PHF24: variants seen among roughly 807,000 people sequenced by gnomAD.
PHF24 encodes the protein PHD finger protein 24.
PHF24 carries 25 observed loss-of-function variants against 42.6 expected under a neutral mutation model. The ratio of observed to expected loss-of-function variants is 0.59; its 90% CI spans 0.43 to 0.82. PHF24 has a LOEUF of 0.82. Among genes scored for constraint, PHF24 ranks in the 40% least tolerant of loss-of-function variants. The pLI, the probability that PHF24 is intolerant of heterozygous loss-of-function variation, is 0.00. For missense variants in PHF24, 470 were observed against 538.1 expected (o/e 0.87, Z 1.25); for synonymous variants, 185 against 204.8 (o/e 0.90, Z 0.83).
the PHF24 span, among the ~76,000 whole-genome samples, chr9:34,807,343 T>TC: frequency 1.3e-5 from 2 of 152,168 alleles, no homozygotes; most frequent in African/African-American, 4.8e-5. Context: ...GTCAACAGCC[T>TC]CCCACCTATT....
At chr9:34,739,140 AG>A in the PHF24 span, among the ~76,000 whole-genome samples, 2 of 152,230 alleles carry the variant, frequency 1.3e-5, no homozygotes, top group Admixed American at 1.3e-4. Flanking sequence ...AGAAGGAGTA[AG>A]AAACCTATTT....
At chr9:34,680,252 G>T in the PHF24 span, among the ~76,000 whole-genome samples, 1 of 152,262 alleles carries the variant, frequency 6.6e-6, no homozygotes, top group South Asian at 2.1e-4. Context: ...GGGGGTGCCT[G>T]AAGTCCCAGC....
the PHF24 span, among the ~76,000 whole-genome samples, chr9:34,701,456 GC>G: frequency 6.6e-6 from 1 of 152,132 alleles, no homozygotes; most frequent in Non-Finnish European, 1.5e-5. This position sits in a 1 kb window ranked among gnomAD's most constrained non-coding sequence, Gnocchi z 5.8. Flanking sequence ...TGCAGGGGGC[GC>G]CCCGAGCCTG....
chr9:34,782,700 A>G, the PHF24 span, among the ~76,000 whole-genome samples: 37 of 152,316 alleles, frequency 2.4e-4, no homozygotes, highest in African/African-American at 8.4e-4. Context: ...CTCTTCTTCC[A>G]TGTTTGGAAG....
At chr9:34,739,045 CCAT>C in the PHF24 span, among the ~76,000 whole-genome samples, 10 of 152,278 alleles carry the variant, frequency 6.6e-5, no homozygotes, top group South Asian at 2.1e-3. Context: ...TTTTCATGTA[CCAT>C]GATTCTGGGT....
the PHF24 span, chr9:34,691,123 G>C: frequency 6.2e-7 from 1 of 1,613,374 alleles, no homozygotes; most frequent in South Asian, 1.1e-5. Context: ...CAGGCTGAGG[G>C]CCAGTAGCAG....
At chr9:34,918,468 C>T in the PHF24 span, among the ~76,000 whole-genome samples, 4 of 151,268 alleles carry the variant, frequency 2.6e-5, no homozygotes, top group African/African-American at 9.7e-5. Context: ...AGCGTTCATA[C>T]CTATAAAATT....
chr9:34,671,457 C>T, the PHF24 span, among the ~76,000 whole-genome samples: 1 of 152,252 alleles, frequency 6.6e-6, no homozygotes, highest in Non-Finnish European at 1.5e-5. Context: ...TCTGCCTATG[C>T]TGCACTTGCA....
At chr9:34,830,693 C>T in the PHF24 span, among the ~76,000 whole-genome samples, 1 of 152,126 alleles carries the variant, frequency 6.6e-6, no homozygotes, top group Non-Finnish European at 1.5e-5. Flanking sequence ...CAGGAAAGAA[C>T]TCTAGGAACA....
chr9:34,714,921 C>G, the PHF24 span, among the ~76,000 whole-genome samples: 1 of 152,166 alleles, frequency 6.6e-6, no homozygotes, highest in East Asian at 1.9e-4. Flanking sequence ...GTGCACAACC[C>G]CCTAGGTCCC....
At chr9:34,884,091 C>T in the PHF24 span, among the ~76,000 whole-genome samples, 244 of 152,280 alleles carry the variant, frequency 1.6e-3, no homozygotes, top group African/African-American at 5.0e-3. Context: ...TGGAAACCAT[C>T]CTTCCGAGAA....
At chr9:34,839,865 A>G in the PHF24 span, among the ~76,000 whole-genome samples, 1 of 152,230 alleles carries the variant, frequency 6.6e-6, no homozygotes, top group Non-Finnish European at 1.5e-5. Context: ...GAGAGAATGC[A>G]TGGAGGGGAT....
the PHF24 span, chr9:34,690,992 C>G: frequency 9.3e-7 from 1 of 1,077,642 alleles, no homozygotes; most frequent in Non-Finnish European, 1.4e-6. Flanking sequence ...CCTGAACTCA[C>G]CATGTCCCTT....
chr9:34,819,184 T>C, the PHF24 span, among the ~76,000 whole-genome samples: 3 of 152,230 alleles, frequency 2.0e-5, no homozygotes, highest in African/African-American at 7.2e-5. Flanking sequence ...CTCTCTTTTT[T>C]ACTGGATCAA....
the PHF24 span, chr9:34,678,331 CTTTTT>C: frequency 2.0e-5 from 2 of 97,836 alleles, no homozygotes; most frequent in Non-Finnish European, 4.0e-5. Flanking sequence ...TCCTTCCTTC[CTTTTT>C]TTTTTTTTTT....
upstream of PHF24, among the ~76,000 whole-genome samples, chr9:34,956,103 G>A (rs965141868): frequency 6.6e-6 from 1 of 151,810 alleles, no homozygotes; most frequent in East Asian, 1.9e-4. Flanking sequence ...CCTCTATTGC[G>A]CACACTGATT....
chr9:34,917,138 C>G, the PHF24 span: 3 of 973,332 alleles, frequency 3.1e-6, no homozygotes, highest in Non-Finnish European at 5.0e-6. Flanking sequence ...CCTACCTTTA[C>G]CGGCCCGTCT....
chr9:34,916,894 C>A, the PHF24 span, among the ~76,000 whole-genome samples: 1 of 152,196 alleles, frequency 6.6e-6, no homozygotes. Context: ...GCCATGTACA[C>A]GGACAATAAT....
At chr9:34,981,730 T>C (rs1827396691) in exon 8 of PHF24, 2 of 149,790 alleles carry the variant, frequency 1.3e-5, no homozygotes, top group South Asian at 4.2e-4. Context: ...ATAAAATTCC[T>C]ATTTTCTTTT....
Sources: gnomAD v4.1 joint callset for allele counts (sites outside exome capture counted in the v4.1 genomes callset) on GRCh38, gnomAD v4.1.1 for gene constraint, Gnocchi (gnomAD v3.1) non-coding constraint, MANE v1.5 for transcripts, NCBI Gene and HGNC (gene_info 2026-07-23, HGNC 2026-07-21) for gene names.